Variants in CALY observed in about 807,000 individuals in gnomAD.
CALY encodes the protein calcyon neuron specific vesicular protein.
In CALY, 15 loss-of-function variants were observed where a neutral mutation model predicts 20.2. The ratio of observed to expected loss-of-function variants is 0.74; its 90% CI spans 0.50 to 1.14. The LOEUF is 1.14. Ranked by LOEUF, CALY falls within the 50% of genes most tolerant of loss-of-function variation. The probability of loss-of-function intolerance (pLI) is 0.00; values close to 1 mark genes in which losing one functional copy is unlikely to be tolerated. For missense variants in CALY, 270 were observed against 304.4 expected, an observed-to-expected ratio of 0.89 and a Z score of 0.84; for synonymous variants, 129 against 131.8, an observed-to-expected ratio of 0.98 and a Z score of 0.15.
intron 3 of CALY, chr10:133,327,548 T>A (rs1386914153): frequency 3.5e-6 from 2 of 576,340 alleles, no homozygotes; most frequent in Non-Finnish European, 6.2e-6. Flanking sequence ...GAGAAGATAT[T>A]TGCCAGATAT....
chr10:133,328,882 G>A lies in CALY; in HGVS notation c.108C>T (p.Ser36=). 6.5e-7 allele frequency: 1 copy of A among 1,546,632 alleles called. No individual in the cohort carries two copies. Among genetic ancestry groups the A allele is most frequent in the Non-Finnish European group, 8.7e-7 (1 of 1,146,518 alleles). ...SVPLISPLDI[S]QLQPPLPDQV... ...GGTCAGGGAGTGGCGGCTGGAGCTG[G>A]CTGATGTCCAAGGGGCTGATCAGAG... The change falls in exon 2 of 6, where the codon AGC becomes AGT. Residue 36 remains serine (S), a synonymous_variant. Coordinates refer to ENST00000252939, the MANE Select transcript of CALY (RefSeq NM_015722.4).
intron 1 of CALY, 106 bp from the exon 2 acceptor site, chr10:133,329,115 A>C: frequency 1.0e-6 from 1 of 963,446 alleles, no homozygotes; most frequent in Non-Finnish European, 1.5e-6. Flanking sequence ...TGCTCCTCAC[A>C]CCAGAGCCAG....
intron 3 of CALY, 133 bp downstream of exon 3, chr10:133,327,772 T>C: frequency 1.4e-6 from 1 of 729,276 alleles, no homozygotes. Flanking sequence ...GCGGGATGAC[T>C]CACTGCCACC....
In CALY at chr10:133,326,328, A is replaced by G. The variant is rs756694364; in HGVS notation, c.361-208T>C. 4.0e-5 allele frequency: 59 copies of G among 1,490,362 alleles called. 1 individual carries two copies. Among genetic ancestry groups the G allele is most frequent in the Non-Finnish European group, 3.8e-5 (41 of 1,092,262 alleles). 92.3% of individuals were successfully genotyped at this position (1,490,362 alleles called of 1,614,324 possible). On this transcript the variant is annotated intron_variant, in intron 4 of 5. Coordinates refer to ENST00000252939, the MANE Select transcript of CALY (RefSeq NM_015722.4). ...GTCGCGCGTTGTAAGGGGAGGGGCC[A>G]CCCAGGGAGAGGGGCGCAGACACCA...
chr10:133,327,822 G>C, intron 3 of CALY, 83 bp downstream of exon 3: 1 of 906,446 alleles, frequency 1.1e-6, no homozygotes, highest in Non-Finnish European at 1.8e-6. Flanking sequence ...GACTGGCCTG[G>C]ACGGAACCCA....
intron 1 of CALY, among the ~76,000 whole-genome samples, chr10:133,333,296 G>GT (rs533612453): frequency 3.9e-5 from 4 of 103,318 alleles, no homozygotes; most frequent in African/African-American, 7.2e-5. Flanking sequence ...AGGGGGTGGG[G>GT]GGGGGGGAAG....
At position 133,328,981 on chromosome 10, in the gene CALY, CT is replaced by C. The variant is rs1396043755; in HGVS notation, c.8del (p.Lys3SerfsTer27). MV[K>X]LGCSFSGKPG... ...GCTTCCCAGAGAAGCTGCAGCCCAG[CT>C]TCACCATGGTGGATGGCAGTCCTTG... On this transcript the variant is annotated frameshift_variant, in exon 2 of 6. Coordinates refer to ENST00000252939, the MANE Select transcript of CALY (RefSeq NM_015722.4). LOFTEE classifies it high-confidence loss of function. 6.4e-7 allele frequency: 1 copy of C among 1,563,196 alleles called. No homozygotes were observed. The highest frequency in any genetic ancestry group is 1.2e-5 in the South Asian group (1 of 85,274).
At position 133,325,893 on chromosome 10, in the gene CALY, C is replaced by G; in HGVS notation, c.588G>C (p.Ser196=). Residue 196 remains serine (S), a synonymous_variant, in exon 5 of 6, where the codon TCG becomes TCC. Transcript: ENST00000252939. ...GCGCCGCCTCCTTCTCCGCCTTGGC[C>G]GACGGCTTCCCGGGGGGTTCGGTGG... ...AAATEPPGKP[S]AKAEKEAARK... The G allele has an allele frequency of 7.8e-7, 1 of 1,275,816 alleles. No homozygotes were observed. The highest frequency in any genetic ancestry group is 9.9e-7 in the Non-Finnish European group (1 of 1,011,882). 79.0% of individuals were successfully genotyped at this position (1,275,816 alleles called of 1,614,324 possible).
Position 133,326,026 on chromosome 10 carries a change from G to T in CALY, c.455C>A (p.Pro152Gln). Residue 152 changes from proline to glutamine, a missense_variant, in exon 5 of 6, where the codon CCG (proline) becomes CAG (glutamine). Coordinates refer to ENST00000252939, the MANE Select transcript of CALY (RefSeq NM_015722.4). Reference protein sequence around the residue: ...RSILAAIGAYPLSRKHGTETP... With the variant: ...RSILAAIGAYQLSRKHGTETP... ...CTCCGTGCCGTGCTTGCGGCTCAGCGGGTAGGCCCCGATGGCCGCCAGGAT... is the reference window on the plus strand; with the variant it reads ...CTCCGTGCCGTGCTTGCGGCTCAGCTGGTAGGCCCCGATGGCCGCCAGGAT... 6.3e-7 allele frequency: 1 copy of T among 1,587,994 alleles called. No individual in the cohort carries two copies. Among genetic ancestry groups the T allele is most frequent in the Non-Finnish European group, 8.6e-7 (1 of 1,167,590 alleles).
At position 133,324,185 on chromosome 10, in the gene CALY, G is replaced by T; in HGVS notation, c.*1410C>A. The T allele has an allele frequency of 2.8e-6, 1 of 353,832 alleles. No homozygotes were observed. The highest frequency in any genetic ancestry group is 5.7e-6 in the Non-Finnish European group (1 of 175,120). The allele number at this position is 353,832 out of a possible 1,614,324, so 21.9% of individuals were successfully genotyped here. On this transcript the variant is annotated 3_prime_UTR_variant, in exon 6 of 6. Coordinates refer to ENST00000252939, the MANE Select transcript of CALY (RefSeq NM_015722.4). The stretch of plus-strand genomic sequence containing the variant: ...GCCCCCCTCCCTTGCAGGCCATCAG[G>T]GCCAATTCAGTTCTGCGTGTGCTTG...
intron 4 of CALY, 30 bp from the exon 5 acceptor site, chr10:133,326,150 G>T: frequency 6.3e-7 from 1 of 1,590,628 alleles, no homozygotes. Flanking sequence ...AGGGTCGGTG[G>T]GGCTGAGCCC....
intron 1 of CALY, among the ~76,000 whole-genome samples, chr10:133,334,757 G>A (rs1293422572): frequency 6.6e-6 from 1 of 152,028 alleles, no homozygotes; most frequent in African/African-American, 2.4e-5. Flanking sequence ...ACTCTGAGCC[G>A]GAAGGAGCTA....
chr10:133,327,756 C>G, intron 3 of CALY, 149 bp downstream of exon 3: 1 of 719,728 alleles, frequency 1.4e-6, no homozygotes, highest in South Asian at 1.5e-5. Context: ...GTGGGGCCAG[C>G]TCTGGGCGGG....
At chr10:133,333,292 T>TG (rs371029336) in intron 1 of CALY, among the ~76,000 whole-genome samples, 8,376 of 36,164 alleles carry the variant, frequency 0.23, 920 homozygotes, top group East Asian at 0.35. Context: ...ATTGAGGGGG[T>TG]GGGGGGGGGG....
intron 2 of CALY, among the ~76,000 whole-genome samples, chr10:133,328,352 T>C (rs555325882): frequency 1.3e-3 from 204 of 152,306 alleles, no homozygotes; most frequent in Middle Eastern, 6.8e-3. Context: ...GTCCCCAGCA[T>C]AGATGCTGCC....
intron 4 of CALY, 96 bp downstream of exon 4, chr10:133,326,781 TC>T (rs1848219966): frequency 1.4e-6 from 1 of 728,964 alleles, no homozygotes; most frequent in Non-Finnish European, 2.5e-6. Context: ...GAGACCACGT[TC>T]CCCCAGCAGC....
At chr10:133,326,233 A>G (rs1195249200) in intron 4 of CALY, 113 bp from the exon 5 acceptor site, 4 of 1,550,968 alleles carry the variant, frequency 2.6e-6, no homozygotes, top group Non-Finnish European at 3.5e-6. Flanking sequence ...TAATGGAGCC[A>G]TGGCTTCAGG....
rs1174880199 is a variant in CALY, at chr10:133,328,898, C to A, written c.92G>T (p.Ser31Ile). The A allele has an allele frequency of 1.3e-6, 2 of 1,550,552 alleles. No homozygotes were observed. Among genetic ancestry groups the A allele is most frequent in the Non-Finnish European group, 8.7e-7 (1 of 1,148,006 alleles). The part of the protein sequence containing the change: ...GAAMDSVPLI[S>I]PLDISQLQPP... ...CTGGAGCTGGCTGATGTCCAAGGGG[C>A]TGATCAGAGGCACACTGTCCATGGC... The change falls in exon 2 of 6, where the codon AGC becomes ATC. Residue 31 changes from serine to isoleucine, a missense_variant. By Grantham distance (142) the Ser-to-Ile change is moderately radical. Coordinates refer to ENST00000252939, the MANE Select transcript of CALY (RefSeq NM_015722.4).
chr10:133,327,714 C>G (rs774183245), intron 3 of CALY, 191 bp downstream of exon 3: 1 of 684,626 alleles, frequency 1.5e-6, no homozygotes, highest in African/African-American at 1.8e-5. Flanking sequence ...CCTGCAGCCT[C>G]GGGAGGGGGC....
Sources: allele counts gnomAD v4.1 joint callset (sites outside exome capture counted in the v4.1 genomes callset), GRCh38; gene constraint gnomAD v4.1.1; transcripts MANE v1.5; gene names NCBI Gene and HGNC (gene_info 2026-07-23, HGNC 2026-07-21).